The following HCN1 variants were observed in gnomAD, a reference collection of about 807,000 sequenced individuals.
HCN1 encodes potassium/sodium hyperpolarization-activated cyclic nucleotide-gated channel 1.
Under a neutral mutation model 78.9 loss-of-function variants are expected in HCN1, and 13 were observed. That is an observed-to-expected ratio of 0.16 (90% confidence interval 0.11 to 0.26). The LOEUF (loss-of-function observed/expected upper bound fraction) is 0.26. Among genes scored for constraint, HCN1 ranks in the 10% least tolerant of loss-of-function variants. The pLI is 1.00. For missense variants in HCN1, 810 were observed against 1,154.3 expected, an observed-to-expected ratio of 0.70 and a Z score of 4.32; for synonymous variants, 552 against 455.5, an observed-to-expected ratio of 1.21 and a Z score of -2.70.
chr5:45,524,044 G>A (rs991755773), intron 2 of HCN1, among the ~76,000 whole-genome samples: 10 of 152,256 alleles, frequency 6.6e-5, no homozygotes, highest in African/African-American at 2.4e-4. Context: ...TGTATAAGGT[G>A]TAAGGAAGGG....
intron 1 of HCN1, among the ~76,000 whole-genome samples, chr5:45,657,276 C>A (rs1251779807): frequency 2.0e-5 from 3 of 152,212 alleles, no homozygotes; most frequent in African/African-American, 7.2e-5. Flanking sequence ...CTCCAATTCA[C>A]TACAGTGCCC....
At chr5:45,316,735 T>G (rs961821072) in intron 5 of HCN1, among the ~76,000 whole-genome samples, 2 of 152,154 alleles carry the variant, frequency 1.3e-5, no homozygotes, top group African/African-American at 4.8e-5. Flanking sequence ...GCAAAATCAA[T>G]GTGCAAAAAT....
At chr5:45,320,028 A>G (rs918402506) in intron 5 of HCN1, among the ~76,000 whole-genome samples, 5 of 151,886 alleles carry the variant, frequency 3.3e-5, no homozygotes, top group Non-Finnish European at 7.4e-5. Context: ...CTATACATAT[A>G]ATTTCCACCA....
At chr5:45,490,057 C>T (rs1741851225) in intron 2 of HCN1, among the ~76,000 whole-genome samples, 2 of 152,110 alleles carry the variant, frequency 1.3e-5, no homozygotes, top group African/African-American at 4.8e-5. Context: ...TAAGACATTG[C>T]TGGAGCAGCA....
chr5:45,274,711 C>T (rs1332983709), intron 6 of HCN1, among the ~76,000 whole-genome samples: 1 of 152,308 alleles, frequency 6.6e-6, no homozygotes, highest in African/African-American at 2.4e-5. Flanking sequence ...TTCACCATCT[C>T]ATAAACAATT....
intron 2 of HCN1, among the ~76,000 whole-genome samples, chr5:45,591,395 G>A (rs890798219): frequency 6.6e-6 from 1 of 152,116 alleles, no homozygotes; most frequent in African/African-American, 2.4e-5. Context: ...AGCAATGAAT[G>A]AGAGTTCCTG....
chr5:45,502,299 C>T (rs1230576076), intron 2 of HCN1, among the ~76,000 whole-genome samples: 1 of 150,864 alleles, frequency 6.6e-6, no homozygotes, highest in Non-Finnish European at 1.5e-5. Flanking sequence ...GAAACCCCAT[C>T]TCTACTAAAA....
chr5:45,574,258 A>G (rs1188517367), intron 2 of HCN1, among the ~76,000 whole-genome samples: 1 of 152,108 alleles, frequency 6.6e-6, no homozygotes, highest in Non-Finnish European at 1.5e-5. Flanking sequence ...TGCCATTTTT[A>G]CAATAGTATG....
chr5:45,367,527 T>C (rs1289435229), intron 4 of HCN1, among the ~76,000 whole-genome samples: 4 of 151,894 alleles, frequency 2.6e-5, no homozygotes, highest in Admixed American at 6.6e-5. Flanking sequence ...TGATGCATGA[T>C]GTTACCAGTG....
At chr5:45,477,623 G>A (rs569937692) in intron 2 of HCN1, among the ~76,000 whole-genome samples, 4 of 152,198 alleles carry the variant, frequency 2.6e-5, no homozygotes, top group Middle Eastern at 3.4e-3. Context: ...GGAAGCATAA[G>A]ATAAATTCTT....
At chr5:45,455,156 T>C (rs1350159790) in intron 3 of HCN1, among the ~76,000 whole-genome samples, 1 of 152,012 alleles carries the variant, frequency 6.6e-6, no homozygotes, top group Non-Finnish European at 1.5e-5. Context: ...ACTCCCTGGG[T>C]ATCTAAATTA....
intron 4 of HCN1, among the ~76,000 whole-genome samples, chr5:45,361,412 G>A (rs1747106904): frequency 6.6e-6 from 1 of 152,058 alleles, no homozygotes; most frequent in Non-Finnish European, 1.5e-5. Flanking sequence ...TCAGCCTCCT[G>A]GGTTCTAGTG....
At chr5:45,553,044 A>G (rs946115401) in intron 2 of HCN1, among the ~76,000 whole-genome samples, 2 of 151,942 alleles carry the variant, frequency 1.3e-5, no homozygotes, top group Admixed American at 1.3e-4. Flanking sequence ...GAAAAGCACA[A>G]GCATGAAGGG....
At position 45,471,971 on chromosome 5, in the gene HCN1, T is replaced by C. The variant is rs1161431445; in HGVS notation, c.850-9964A>G. Among the ~76,000 whole-genome samples, 3 of 152,110 alleles carry C rather than the reference T, an allele frequency of 2.0e-5. No homozygotes were observed. The East Asian group carries it at 5.8e-4, about 29-fold the overall frequency. On this transcript the variant is annotated intron_variant, in intron 2 of 7. Transcript: ENST00000303230. ...GAATTATCATTTTACAATTCAAACCTGATCATGTGATTTCCTGCTTGAACT... is the reference window on the plus strand; with the variant it reads ...GAATTATCATTTTACAATTCAAACCCGATCATGTGATTTCCTGCTTGAACT...
intron 5 of HCN1, among the ~76,000 whole-genome samples, chr5:45,322,338 C>T (rs1746141608): frequency 6.6e-6 from 1 of 151,730 alleles, no homozygotes; most frequent in South Asian, 2.1e-4. Flanking sequence ...TTAAAGGGTC[C>T]ACTGGTCTAA....
chr5:45,671,682 A>T (rs1473698404), intron 1 of HCN1, among the ~76,000 whole-genome samples: 1 of 151,694 alleles, frequency 6.6e-6, no homozygotes, highest in East Asian at 1.9e-4. Flanking sequence ...CAATTTCAAT[A>T]GTTGTATAAC....
chr5:45,518,561 C>T (rs1370100763), intron 2 of HCN1, among the ~76,000 whole-genome samples: 2 of 151,876 alleles, frequency 1.3e-5, no homozygotes, highest in Non-Finnish European at 2.9e-5. Context: ...ATATGCACAG[C>T]CTGAGGAGGA....
intron 3 of HCN1, among the ~76,000 whole-genome samples, chr5:45,423,607 T>C (rs1273612115): frequency 6.6e-6 from 1 of 152,226 alleles, no homozygotes; most frequent in African/African-American, 2.4e-5. Flanking sequence ...GCTCGTATTT[T>C]TTCTTCTTCT....
chr5:45,629,661 T>C (rs1305500940), intron 2 of HCN1, among the ~76,000 whole-genome samples: 2 of 152,158 alleles, frequency 1.3e-5, no homozygotes, highest in Non-Finnish European at 2.9e-5. Context: ...ATCTGGGTTT[T>C]ATTGCTTGTA....
Sources: gnomAD v4.1 joint callset for allele counts (sites outside exome capture counted in the v4.1 genomes callset) on GRCh38, gnomAD v4.1.1 for gene constraint, MANE v1.5 for transcripts, NCBI Gene and HGNC (gene_info 2026-07-23, HGNC 2026-07-21) for gene names.